Variants in RAPGEF2 observed in about 807,000 individuals in gnomAD.
RAPGEF2 encodes PDZ domain containing guanine nucleotide exchange factor (GEF) 1.
In RAPGEF2, 54 loss-of-function variants were observed where a neutral mutation model predicts 186.7. That is an observed-to-expected ratio of 0.29 (90% CI 0.23 to 0.36). RAPGEF2 has a LOEUF of 0.36. RAPGEF2 is among the 10% of genes least tolerant of loss of function. The probability of loss-of-function intolerance (pLI) is 1.00; values close to 1 mark genes in which losing one functional copy is unlikely to be tolerated. For synonymous variants in RAPGEF2, 712 were observed against 705.9 expected (o/e 1.01, Z -0.14); for missense variants, 1,532 against 2,045.0 (o/e 0.75, Z 4.84).
chr4:159,216,255 T>C lies in RAPGEF2; in HGVS notation c.281+5672T>C, dbSNP rs1579488656. ...GTATCTGCTTGGGGCGATGAGGCGG[T>C]TGCATAGGAAATAGAAAAAATTCCC... On this transcript the variant is annotated intron_variant, in intron 4 of 29. Transcript: ENST00000691494. Among the ~76,000 whole-genome samples, 5 of 152,022 alleles carry C rather than the reference T, an allele frequency of 3.3e-5. No individual in the cohort carries two copies. The South Asian group carries it at 1.0e-3, about 32-fold the overall frequency.
intron 28 of RAPGEF2, among the ~76,000 whole-genome samples, chr4:159,355,520 C>G (rs919616100): frequency 6.6e-6 from 1 of 152,038 alleles, no homozygotes; most frequent in Non-Finnish European, 1.5e-5. Context: ...TCAGTCTTTC[C>G]AATAAATCCA....
At chr4:159,104,549 AGAGAGT>A (rs1737641924) in intron 1 of RAPGEF2, among the ~76,000 whole-genome samples, 1 of 132,150 alleles carries the variant, frequency 7.6e-6, no homozygotes, top group South Asian at 2.4e-4. Context: ...AGAGAGAGAG[AGAGAGT>A]GTGTGTGTGT....
chr4:159,355,828 T>C, intron 28 of RAPGEF2, 25 bp from the exon 29 acceptor site: 1 of 1,520,364 alleles, frequency 6.6e-7, no homozygotes, highest in African/African-American at 1.4e-5. Flanking sequence ...TAGTTTTTAA[T>C]GCTGGTGCAT....
intron 9 of RAPGEF2, among the ~76,000 whole-genome samples, chr4:159,319,700 T>A (rs933869354): frequency 1.3e-5 from 2 of 152,110 alleles, no homozygotes; most frequent in African/African-American, 4.8e-5. Flanking sequence ...ATTATGTACA[T>A]CTACTATTTG....
intron 20 of RAPGEF2, among the ~76,000 whole-genome samples, chr4:159,342,583 T>TTATGTTATGTTATGTTATGTTATGTTATG (rs1729674267): frequency 6.9e-6 from 1 of 144,140 alleles, no homozygotes; most frequent in African/African-American, 2.6e-5. Context: ...TTTATTTTAT[T>TTATGTTATGTTATGTTATGTTATGTTATG]TTATTTTATT....
chr4:159,224,097 C>T (rs1399957879), intron 4 of RAPGEF2, among the ~76,000 whole-genome samples: 5 of 152,092 alleles, frequency 3.3e-5, no homozygotes, highest in Admixed American at 6.5e-5. Context: ...TGGGGTTTTG[C>T]CATGTTGGCC....
intron 1 of RAPGEF2, among the ~76,000 whole-genome samples, chr4:159,160,992 TA>T (rs1370007141): frequency 2.0e-5 from 3 of 150,594 alleles, no homozygotes; most frequent in African/African-American, 7.3e-5. Context: ...AAGTTTTTTT[TA>T]ATCATAGGTT....
intron 1 of RAPGEF2, among the ~76,000 whole-genome samples, chr4:159,156,978 A>G (rs950339674): frequency 6.6e-6 from 1 of 152,180 alleles, no homozygotes; most frequent in East Asian, 1.9e-4. Flanking sequence ...ATTTACAGCT[A>G]AAGAGGGGCT....
At chr4:159,184,917 G>T (rs552057878) in intron 1 of RAPGEF2, among the ~76,000 whole-genome samples, 3 of 152,102 alleles carry the variant, frequency 2.0e-5, no homozygotes, top group Non-Finnish European at 4.4e-5. Context: ...ATTAAATTTT[G>T]TATAAGGAAG....
At chr4:159,118,688 C>T (rs1382389347) in intron 1 of RAPGEF2, among the ~76,000 whole-genome samples, 1 of 152,114 alleles carries the variant, frequency 6.6e-6, no homozygotes, top group Non-Finnish European at 1.5e-5. Flanking sequence ...CGGGTTCAAG[C>T]GATTCTCCTG....
chr4:159,240,353 A>G, intron 5 of RAPGEF2, among the ~76,000 whole-genome samples: 2 of 1,670 alleles, frequency 1.2e-3, no homozygotes, highest in African/African-American at 2.3e-3. Flanking sequence ...TTTTTTTTGG[A>G]GACGGAGTCT....
At chr4:159,330,635 AC>A (rs1766560214) in intron 13 of RAPGEF2, 137 bp downstream of exon 13, 3 of 610,010 alleles carry the variant, frequency 4.9e-6, no homozygotes, top group Admixed American at 4.1e-5. Context: ...GCAAAAAAAA[AC>A]AAAAAAACAA....
Position 159,118,305 on chromosome 4 carries a change from A to G in RAPGEF2, c.69+14074A>G, listed in dbSNP as rs574509882. Among the ~76,000 whole-genome samples the G allele has an allele frequency of 5.3e-5, 8 of 152,314 alleles. No homozygotes were observed. The East Asian group carries it at 1.5e-3, about 29-fold the overall frequency. On this transcript the variant is annotated intron_variant, in intron 1 of 29. Transcript: ENST00000691494. ...AAGGGATCTAGGTTGTGTACTCCTC[A>G]TGAGAATCTAATGCTTGATGATCTG...
intron 29 of RAPGEF2, among the ~76,000 whole-genome samples, chr4:159,357,699 T>C (rs1210382922): frequency 6.6e-6 from 1 of 152,070 alleles, no homozygotes; most frequent in East Asian, 1.9e-4. Context: ...ATTAAATAAA[T>C]AGAAAAACAT....
chr4:159,123,199 T>G (rs1739906298), intron 1 of RAPGEF2, among the ~76,000 whole-genome samples: 1 of 152,200 alleles, frequency 6.6e-6, no homozygotes. Context: ...TTCAACTTTG[T>G]TAGGGGTTGG....
chr4:159,290,836 A>G (rs1761109218), intron 7 of RAPGEF2, among the ~76,000 whole-genome samples: 1 of 152,186 alleles, frequency 6.6e-6, no homozygotes, highest in Non-Finnish European at 1.5e-5. Context: ...CTGGCCCTAG[A>G]CAGTGAGTAA....
rs149524454 is a variant in RAPGEF2, at chr4:159,202,153, C to T, written c.198-8347C>T. Among the ~76,000 whole-genome samples the T allele has an allele frequency of 3.0e-4, 45 of 152,296 alleles. No homozygotes were observed. The East Asian group carries it at 7.1e-3, about 24-fold the overall frequency. On this transcript the variant is annotated intron_variant, in intron 3 of 29. Coordinates refer to ENST00000691494, the MANE Select transcript of RAPGEF2 (RefSeq NM_001394067.2). ...ATTTTGCCTATTCTTTCTCACAAAGCAATCGCCATCTTTTTGCTTCTCTGT... is the reference window on the plus strand; with the variant it reads ...ATTTTGCCTATTCTTTCTCACAAAGTAATCGCCATCTTTTTGCTTCTCTGT...
intron 9 of RAPGEF2, among the ~76,000 whole-genome samples, chr4:159,318,196 A>T (rs1764829346): frequency 6.6e-6 from 1 of 152,242 alleles, no homozygotes; most frequent in African/African-American, 2.4e-5. Flanking sequence ...AATCACTAAC[A>T]TTAAACAAGT....
intron 1 of RAPGEF2, among the ~76,000 whole-genome samples, chr4:159,131,616 A>G (rs1044170503): frequency 1.4e-5 from 2 of 146,616 alleles, no homozygotes; most frequent in Admixed American, 7.1e-5. Flanking sequence ...GAAGAGAAAT[A>G]TAAGTGCTAA....
Sources: gnomAD v4.1 joint callset for allele counts (sites outside exome capture counted in the v4.1 genomes callset) on GRCh38, gnomAD v4.1.1 for gene constraint, MANE v1.5 for transcripts, NCBI Gene and HGNC (gene_info 2026-07-23, HGNC 2026-07-21) for gene names.